Variants in ECSIT observed in about 807,000 individuals in gnomAD.
ECSIT encodes evolutionarily conserved signaling intermediate in Toll pathway, mitochondrial.
In ECSIT, 29 loss-of-function variants were observed where a neutral mutation model predicts 36.8. The observed-to-expected ratio is 0.79, with a 90% confidence interval of 0.59 to 1.08. The LOEUF (loss-of-function observed/expected upper bound fraction) is 1.08. Ranked by LOEUF, ECSIT falls within the 50% of genes least tolerant of loss-of-function variation. ECSIT has a pLI of 0.00. For synonymous variants in ECSIT, 231 were observed against 234.8 expected (o/e 0.98, Z 0.15); for missense variants, 542 against 581.0 (o/e 0.93, Z 0.69).
rs1253471408 is a variant in ECSIT at position 11,519,114 on chromosome 19, G to A, written c.57C>T (p.Gly19=). 4.5e-6 allele frequency: 7 copies of A among 1,550,930 alleles called. No homozygotes were observed. Among genetic ancestry groups the A allele is most frequent in the Non-Finnish European group, 5.2e-6 (6 of 1,146,936 alleles). ...TTCCTGTGAGGGCGGCCCCGCAGGT[G>A]CCTCCCCAGGCCCTACAGAGGCCTC... ...LARGLCRAWG[G]TCGAALTGTS... Residue 19 remains glycine (G), a synonymous_variant, in exon 2 of 8, where the codon GGC becomes GGT. Coordinates refer to ENST00000270517, the MANE Select transcript of ECSIT (RefSeq NM_016581.5). The surrounding 1 kb of genome is among the most constrained non-coding windows in gnomAD (Gnocchi z 4.4).
At chr19:11,524,518 C>T (rs963780471) in intron 1 of ECSIT, among the ~76,000 whole-genome samples, 7 of 151,710 alleles carry the variant, frequency 4.6e-5, no homozygotes, top group African/African-American at 1.7e-4. Flanking sequence ...AGCAAGGCTC[C>T]GTCTCAAAAA....
chr19:11,509,481 G>A (rs1382005584), intron 4 of ECSIT, among the ~76,000 whole-genome samples: 2 of 151,434 alleles, frequency 1.3e-5, no homozygotes, highest in Non-Finnish European at 2.9e-5. Context: ...AAATTGAGAT[G>A]AGCAGGCCGG....
At chr19:11,508,383 A>ATTTTTTTTTTTTTTTTTTTTTTTTT (rs34929827) in intron 4 of ECSIT, among the ~76,000 whole-genome samples, 3 of 124,052 alleles carry the variant, frequency 2.4e-5, no homozygotes, top group East Asian at 2.2e-4. Flanking sequence ...CTTAATTCCG[A>ATTTTTTTTTTTTTTTTTTTTTTTTT]TTTTTTTTTT....
At chr19:11,511,774 C>T (rs764659112) in intron 4 of ECSIT, among the ~76,000 whole-genome samples, 2 of 152,138 alleles carry the variant, frequency 1.3e-5, no homozygotes, top group Non-Finnish European at 2.9e-5. Context: ...GTGGCTCACG[C>T]GTGTAATCCC....
intron 7 of ECSIT, among the ~76,000 whole-genome samples, chr19:11,507,130 G>A (rs1039792832): frequency 6.6e-5 from 10 of 152,192 alleles, no homozygotes; most frequent in African/African-American, 2.2e-4. Flanking sequence ...CTCAGGTCTG[G>A]AGCCCCTGGG....
chr19:11,518,426 T>G, intron 2 of ECSIT, among the ~76,000 whole-genome samples: 1 of 141,632 alleles, frequency 7.1e-6, no homozygotes, highest in South Asian at 2.2e-4. Context: ...AAATTCCATC[T>G]AAAAAAAAAA....
intron 1 of ECSIT, among the ~76,000 whole-genome samples, chr19:11,524,065 G>A (rs1972162120): frequency 6.6e-6 from 1 of 152,028 alleles, no homozygotes; most frequent in Non-Finnish European, 1.5e-5. Flanking sequence ...GATTACAGGT[G>A]TGCGCCACCA....
rs1184891935 is a variant in ECSIT, at chr19:11,513,151, C to G, written c.643G>C (p.Val215Leu). 6.2e-7 allele frequency: 1 copy of G among 1,614,060 alleles called. No homozygotes were observed. The highest frequency in any genetic ancestry group is 1.3e-5 in the African/African-American group (1 of 74,922). ...GGGTCCTGGGGCAGGTCCCGGGGCA[C>G]TGGGAAGGGGTTGACGTTCATGAAT... ...PRFMNVNPFPVPRDLPQDPVE... is the reference protein window; with the variant it reads ...PRFMNVNPFPLPRDLPQDPVE... Residue 215 changes from valine (V) to leucine (L), a missense_variant, in exon 4 of 8, where the codon GTG becomes CTG. Val to Leu is a conservative substitution (Grantham distance 32, BLOSUM62 1). Coordinates refer to ENST00000270517, the MANE Select transcript of ECSIT (RefSeq NM_016581.5).
At chr19:11,517,134 A>G (rs539541566) in intron 2 of ECSIT, among the ~76,000 whole-genome samples, 1 of 152,234 alleles carries the variant, frequency 6.6e-6, no homozygotes, top group East Asian at 1.9e-4. Flanking sequence ...TACAGATGAG[A>G]AAAACCAAGG....
chr19:11,516,042 C>T (rs1971992465), intron 2 of ECSIT: 1 of 152,154 alleles, frequency 6.6e-6, no homozygotes, highest in Non-Finnish European at 1.5e-5. Flanking sequence ...TGCTGGGACC[C>T]TTTAAGAGAT....
intron 2 of ECSIT, 37 bp from the exon 3 acceptor site, chr19:11,514,258 C>T (rs144443240): frequency 6.4e-7 from 1 of 1,564,770 alleles, no homozygotes; most frequent in East Asian, 2.3e-5. Flanking sequence ...TCTGGCACCT[C>T]TCAGTGTCTA....
intron 2 of ECSIT, among the ~76,000 whole-genome samples, chr19:11,515,654 A>C (rs113344390): frequency 0.031 from 4,747 of 151,910 alleles, 250 homozygotes; most frequent in African/African-American, 0.11. Flanking sequence ...GTTTTTCCTG[A>C]GATGGAGTCT....
In ECSIT at chr19:11,505,982, A is replaced by C; in HGVS notation, c.*202T>G. 1.0e-6 allele frequency: 1 copy of C among 975,964 alleles called. No individual in the cohort carries two copies. The highest frequency in any genetic ancestry group is 1.5e-6 in the Non-Finnish European group (1 of 672,478). The allele number at this position is 975,964 out of a possible 1,614,324, so 60.5% of individuals were successfully genotyped here. On this transcript the variant is annotated 3_prime_UTR_variant, in exon 8 of 8. Coordinates refer to ENST00000270517, the MANE Select transcript of ECSIT (RefSeq NM_016581.5). The stretch of plus-strand genomic sequence containing the variant: ...TTTTTATTTGAATTCGGAGAACCAG[A>C]GGCGCCTGCAGATTCTGGAGGGGTC...
rs573771346 is a variant in ECSIT, at chr19:11,513,246, A to G, written c.548T>C (p.Leu183Pro). ...GCTTTTGCGTCCAAAGATCTGAATCAGCAGGAACTCCGTCTCCTTGTTGGG... is the reference window on the plus strand; with the variant it reads ...GCTTTTGCGTCCAAAGATCTGAATCGGCAGGAACTCCGTCTCCTTGTTGGG... ...VMPNKETEFL[L>P]IQIFGRKSYP... The change falls in exon 4 of 8, where the codon CTG becomes CCG. Residue 183 changes from leucine to proline, a missense_variant. By Grantham distance (98) the Leu-to-Pro change is moderately conservative (BLOSUM62 -3). Transcript: ENST00000270517. The G allele has an allele frequency of 6.2e-7, 1 of 1,614,146 alleles. No homozygotes were observed. Among genetic ancestry groups the G allele is most frequent in the African/African-American group, 1.3e-5 (1 of 75,032 alleles).
intron 3 of ECSIT, among the ~76,000 whole-genome samples, chr19:11,513,534 AAGAG>A (rs1364876194): frequency 8.2e-6 from 1 of 122,300 alleles, no homozygotes; most frequent in Non-Finnish European, 1.5e-5. Flanking sequence ...GAAAGAGAGA[AAGAG>A]AGGAAGGAAG....
chr19:11,521,264 T>G, intron 1 of ECSIT, among the ~76,000 whole-genome samples: 1 of 152,214 alleles, frequency 6.6e-6, no homozygotes, highest in East Asian at 1.9e-4. Flanking sequence ...TGTGAACACA[T>G]GTTTATACTT....
intron 2 of ECSIT, among the ~76,000 whole-genome samples, chr19:11,518,312 A>G (rs1373290529): frequency 6.6e-6 from 1 of 152,164 alleles, no homozygotes; most frequent in Non-Finnish European, 1.5e-5. Flanking sequence ...TTGTAATCAC[A>G]GCTACTCGGC....
At position 11,513,907 on chromosome 19, in the gene ECSIT, G is replaced by A. The variant is rs573146721; in HGVS notation, c.411C>T (p.Pro137=). The change falls in exon 3 of 8, where the codon CCC becomes CCT. Residue 137 remains proline (P), a synonymous_variant. Transcript: ENST00000270517. The part of the protein sequence containing the change: ...AVYNQLLNIF[P]KEVFRPRNII... ...TGTTGCGAGGCCGGAAGACCTCCTT[G>A]GGGAAGATGTTGAGCAGCTGGTTGT... is the stretch of plus-strand genomic sequence containing the variant. 2.2e-5 allele frequency: 35 copies of A among 1,614,188 alleles called. No individual in the cohort carries two copies. In the South Asian group the frequency reaches 3.7e-4, roughly 17 times the overall value.
Position 11,507,983 on chromosome 19 carries a change from G to A in ECSIT, c.796+8C>T, listed in dbSNP as rs777510262. On this transcript the variant is annotated splice_region_variant and intron_variant, in intron 5 of 7. Transcript: ENST00000270517. Reference sequence around the variant, plus strand: ...GAGACTTGGCTGCCCCCATGCTCTCGGACTTACCTACGATGTGGGGCTGGG... The same window carrying A: ...GAGACTTGGCTGCCCCCATGCTCTCAGACTTACCTACGATGTGGGGCTGGG... 68 of 1,613,914 alleles carry A rather than the reference G, an allele frequency of 4.2e-5. No individual in the cohort carries two copies. The highest frequency in any genetic ancestry group is 2.7e-4 in the Admixed American group (16 of 59,952).
Sources: gnomAD v4.1 joint callset for allele counts (sites outside exome capture counted in the v4.1 genomes callset) on GRCh38, gnomAD v4.1.1 for gene constraint, Gnocchi (gnomAD v3.1) non-coding constraint, MANE v1.5 for transcripts, NCBI Gene and HGNC (gene_info 2026-07-23, HGNC 2026-07-21) for gene names.